The following KIAA1549L variants were observed in gnomAD, a reference collection of about 807,000 sequenced individuals.
KIAA1549L encodes UPF0606 protein KIAA1549L.
KIAA1549L carries 88 observed loss-of-function variants against 160.7 expected under a neutral mutation model. The ratio of observed to expected loss-of-function variants is 0.55; its 90% CI spans 0.46 to 0.65. The LOEUF is 0.65. Ranked by LOEUF, KIAA1549L falls within the 30% of genes least tolerant of loss-of-function variation. The pLI, the probability that KIAA1549L is intolerant of heterozygous loss-of-function variation, is 0.00. For missense variants in KIAA1549L, 2,258 were observed against 2,437.5 expected, an observed-to-expected ratio of 0.93 and a Z score of 1.55; for synonymous variants, 950 against 976.7, an observed-to-expected ratio of 0.97 and a Z score of 0.51.
At chr11:33,591,178 C>T in intron 11 of KIAA1549L, 59 bp from the exon 12 acceptor site, 1 of 1,302,970 alleles carries the variant, frequency 7.7e-7, no homozygotes, top group Non-Finnish European at 1.1e-6. Flanking sequence ...TCTCTTAAAG[C>T]CATGGTTAGA....
chr11:33,582,769 G>A (rs553505378), intron 10 of KIAA1549L, among the ~76,000 whole-genome samples: 19 of 152,174 alleles, frequency 1.2e-4, no homozygotes, highest in East Asian at 7.7e-4. Context: ...TCTTTACTCT[G>A]GTTCTGAGAA....
intron 1 of KIAA1549L, among the ~76,000 whole-genome samples, chr11:33,393,194 C>T (rs932463488): frequency 6.6e-6 from 1 of 152,166 alleles, no homozygotes; most frequent in Non-Finnish European, 1.5e-5. Flanking sequence ...CCCTTTGCGC[C>T]CTTTACATTT....
intron 1 of KIAA1549L, among the ~76,000 whole-genome samples, chr11:33,503,421 G>A (rs1365131686): frequency 6.6e-6 from 1 of 152,158 alleles, no homozygotes; most frequent in Non-Finnish European, 1.5e-5. Flanking sequence ...TGGTGAACAT[G>A]TGTAGTCATT....
At position 33,618,650 on chromosome 11, in the gene KIAA1549L, C is replaced by T. The variant is rs755166973; in HGVS notation, c.5397C>T (p.Asn1799=). Residue 1799 remains asparagine (N), a synonymous_variant, in exon 16 of 21, where the codon AAC becomes AAT. Transcript: ENST00000658780. The part of the protein sequence containing the change: ...TRERPRRGIR[N]SGYDTEPEII... Reference sequence around the variant, plus strand: ...AGCGACCCCGGCGTGGAATCCGCAACAGCGGATACGATGTGAGTCTCTGGT... The same window carrying T: ...AGCGACCCCGGCGTGGAATCCGCAATAGCGGATACGATGTGAGTCTCTGGT... The T allele has an allele frequency of 4.0e-5, 63 of 1,592,366 alleles. 1 individual carries two copies. In the South Asian group the frequency reaches 6.5e-4, roughly 16 times the overall value.
At chr11:33,521,179 C>T (rs562659243) in intron 1 of KIAA1549L, among the ~76,000 whole-genome samples, 4 of 152,248 alleles carry the variant, frequency 2.6e-5, no homozygotes, top group Admixed American at 6.5e-5. Context: ...TCTTAAAAAA[C>T]GAAGCATCTC....
intron 4 of KIAA1549L, among the ~76,000 whole-genome samples, chr11:33,550,042 C>CAAAAAAAAAAAAAAAA: frequency 7.2e-6 from 1 of 138,326 alleles, no homozygotes; most frequent in Non-Finnish European, 1.6e-5. Flanking sequence ...AAAAAAGAAA[C>CAAAAAAAAAAAAAAAA]AAAAAAAAAA....
intron 1 of KIAA1549L, among the ~76,000 whole-genome samples, chr11:33,383,876 A>C (rs1747933040): frequency 6.6e-6 from 1 of 152,226 alleles, no homozygotes; most frequent in South Asian, 2.1e-4. Context: ...TTGTTTTCAA[A>C]TATCACCAAT....
intron 16 of KIAA1549L, among the ~76,000 whole-genome samples, chr11:33,623,047 C>A (rs1462940340): frequency 6.6e-6 from 1 of 152,192 alleles, no homozygotes; most frequent in Non-Finnish European, 1.5e-5. Context: ...CCTGACTGCT[C>A]ACAAAGCTTA....
chr11:33,554,036 C>G (rs1331437703), intron 6 of KIAA1549L, among the ~76,000 whole-genome samples: 1 of 152,024 alleles, frequency 6.6e-6, no homozygotes, highest in African/African-American at 2.4e-5. Flanking sequence ...TTTTATTAAC[C>G]CTGTTTCCAT....
intron 1 of KIAA1549L, among the ~76,000 whole-genome samples, chr11:33,504,247 C>T (rs946792900): frequency 3.3e-5 from 5 of 151,546 alleles, no homozygotes; most frequent in South Asian, 4.2e-4. Flanking sequence ...GGCGACAGAG[C>T]GAGACTCTGT....
intron 1 of KIAA1549L, among the ~76,000 whole-genome samples, chr11:33,422,103 C>T (rs1851024124): frequency 6.6e-6 from 1 of 152,134 alleles, no homozygotes; most frequent in Non-Finnish European, 1.5e-5. Context: ...TTGGCCTCCT[C>T]TCCTGCCAGG....
intron 1 of KIAA1549L, among the ~76,000 whole-genome samples, chr11:33,452,218 T>G (rs1291152034): frequency 1.3e-5 from 2 of 152,198 alleles, no homozygotes; most frequent in Non-Finnish European, 2.9e-5. Context: ...AGGTGAAAGC[T>G]GGATGAAATA....
At chr11:33,655,878 C>G in intron 17 of KIAA1549L, 134 bp from the exon 18 acceptor site, 1 of 652,386 alleles carries the variant, frequency 1.5e-6, no homozygotes, top group Non-Finnish European at 2.8e-6. Context: ...GAGGGAAGAT[C>G]TTAGAAAAAA....
At chr11:33,378,560 G>A (rs973605866) in intron 1 of KIAA1549L, among the ~76,000 whole-genome samples, 2 of 152,158 alleles carry the variant, frequency 1.3e-5, no homozygotes, top group Non-Finnish European at 2.9e-5. Context: ...TGATTACAAT[G>A]ATGGTAAAAA....
rs1044004800 is a variant in KIAA1549L at position 33,419,804 on chromosome 11, G to A, written c.238+42915G>A. 2.6e-5 allele frequency among the ~76,000 whole-genome samples: 4 copies of A among 151,944 alleles called. 1 individual carries two copies. Among genetic ancestry groups the A allele is most frequent in the Admixed American group, 2.0e-4 (3 of 15,238 alleles). ...GGAGGTTGCAGTGAGCCAAGATCAT[G>A]CCACTACACTCCAGCCTGGGCAACA... On this transcript the variant is annotated intron_variant, in intron 1 of 20. Transcript: ENST00000658780.
chr11:33,637,274 C>A (rs1030773139), intron 16 of KIAA1549L, among the ~76,000 whole-genome samples: 1 of 152,240 alleles, frequency 6.6e-6, no homozygotes, highest in African/African-American at 2.4e-5. Context: ...CTGTCCATGA[C>A]CACCCTAATC....
In KIAA1549L at chr11:33,673,409, C is replaced by G. The variant is rs774777336; in HGVS notation, c.*5255C>G. 1 of 152,072 alleles carries G rather than the reference C, an allele frequency of 6.6e-6. No individual in the cohort carries two copies. Among genetic ancestry groups the G allele is most frequent in the Non-Finnish European group, 1.5e-5 (1 of 68,028 alleles). 9.4% of individuals were successfully genotyped at this position (152,072 alleles called of 1,614,324 possible). ...ATTTCTTCCTTATGTTTAAACACGC[C>G]CCCATCTCACACACAAACTGAGAAA... On this transcript the variant is annotated 3_prime_UTR_variant, in exon 21 of 21. Coordinates refer to ENST00000658780, the MANE Select transcript of KIAA1549L (RefSeq NM_012194.3).
At chr11:33,429,821 T>C (rs1851194271) in intron 1 of KIAA1549L, among the ~76,000 whole-genome samples, 1 of 152,114 alleles carries the variant, frequency 6.6e-6, no homozygotes, top group Non-Finnish European at 1.5e-5. Context: ...GGATCCCTGC[T>C]CACAGCCTCC....
chr11:33,399,718 G>C (rs901239294), intron 1 of KIAA1549L, among the ~76,000 whole-genome samples: 25 of 152,202 alleles, frequency 1.6e-4, no homozygotes, highest in African/African-American at 6.0e-4. Context: ...TGAGTCACCT[G>C]TGCCTACCTT....
Sources: allele counts gnomAD v4.1 joint callset (sites outside exome capture counted in the v4.1 genomes callset), GRCh38; gene constraint gnomAD v4.1.1; transcripts MANE v1.5; gene names NCBI Gene and HGNC (gene_info 2026-07-23, HGNC 2026-07-21).